Variants in UNC5C observed in about 807,000 individuals in gnomAD.
UNC5C encodes unc-5 netrin receptor C.
A neutral mutation model predicts 99.8 loss-of-function variants in UNC5C; 47 were observed. The observed-to-expected ratio is 0.47, with a 90% CI of 0.37 to 0.60. The LOEUF is 0.60. Among genes scored for constraint, UNC5C ranks in the 20% least tolerant of loss-of-function variants. The pLI is 0.00. For synonymous variants in UNC5C, 487 were observed against 452.2 expected (o/e 1.08, Z -0.98); for missense variants, 1,062 against 1,165.9 (o/e 0.91, Z 1.30).
intron 5 of UNC5C, chr4:95,248,591 T>A (rs1453973680): frequency 2.2e-6 from 1 of 453,778 alleles, no homozygotes; most frequent in Admixed American, 2.4e-5. Context: ...AGCAGAGTGA[T>A]CTTGAGCCCG....
At chr4:95,206,902 C>CTTTTTT in intron 10 of UNC5C, 106 bp from the exon 11 acceptor site, 1 of 510,494 alleles carries the variant, frequency 2.0e-6, no homozygotes, top group Non-Finnish European at 3.0e-6. Flanking sequence ...TCCTGGAATT[C>CTTTTTT]TTTTTTTTTT....
rs1159157893 is a variant in UNC5C at position 95,165,488 on chromosome 4, T to TA, written c.*3745dup. The TA allele has an allele frequency of 1.3e-5, 2 of 152,180 alleles. No individual in the cohort carries two copies. Among genetic ancestry groups the TA allele is most frequent in the African/African-American group, 4.8e-5 (2 of 41,438 alleles). The allele number at this position is 152,180 out of a possible 1,614,324, so 9.4% of individuals were successfully genotyped here. A position where few individuals can be genotyped will look rare whatever the true frequency, so the allele number is the denominator to read the frequency against. On this transcript the variant is annotated 3_prime_UTR_variant, in exon 16 of 16. Coordinates refer to ENST00000453304, the MANE Select transcript of UNC5C (RefSeq NM_003728.4). ...CTGTTAGCTGTGAGAACCTTGGTGT[T>TA]ACACAGGTTTGTCATCACCATGCCA...
chr4:95,452,343 C>G (rs1255836969), intron 1 of UNC5C, among the ~76,000 whole-genome samples: 1 of 152,016 alleles, frequency 6.6e-6, no homozygotes, highest in Middle Eastern at 3.2e-3. Context: ...ATATTAAGAG[C>G]CAATTTTCAG....
chr4:95,172,001 A>AT (rs1327571943), intron 14 of UNC5C, among the ~76,000 whole-genome samples: 3 of 148,682 alleles, frequency 2.0e-5, no homozygotes, highest in Admixed American at 6.7e-5. Context: ...GATGGTGAGC[A>AT]TTTTTTCATG....
chr4:95,284,038 A>G (rs1349882051), intron 3 of UNC5C, among the ~76,000 whole-genome samples: 1 of 152,214 alleles, frequency 6.6e-6, no homozygotes. Flanking sequence ...TTCCATTTAT[A>G]CATAACCAAA....
At chr4:95,191,999 C>T (rs1158814954) in intron 12 of UNC5C, among the ~76,000 whole-genome samples, 1 of 126,392 alleles carries the variant, frequency 7.9e-6, no homozygotes, top group Non-Finnish European at 1.7e-5. Context: ...TGCTAATCCT[C>T]CTCTCCTGCT....
chr4:95,475,957 A>G (rs1049823142), intron 1 of UNC5C, among the ~76,000 whole-genome samples: 1 of 152,132 alleles, frequency 6.6e-6, no homozygotes, highest in Non-Finnish European at 1.5e-5. Context: ...GCTTACCTGC[A>G]TTATTATAAA....
At chr4:95,354,496 A>G (rs1579352047) in intron 1 of UNC5C, among the ~76,000 whole-genome samples, 2 of 40,232 alleles carry the variant, frequency 5.0e-5, no homozygotes, top group East Asian at 5.3e-4. Context: ...TTTTTTTTTT[A>G]AGAGACAGGG....
At chr4:95,302,042 C>T (rs1365344328) in intron 2 of UNC5C, among the ~76,000 whole-genome samples, 1 of 152,218 alleles carries the variant, frequency 6.6e-6, no homozygotes, top group Non-Finnish European at 1.5e-5. Context: ...TATTTTTTAA[C>T]CTTCCTCTCT....
intron 1 of UNC5C, among the ~76,000 whole-genome samples, chr4:95,489,310 G>A (rs756735429): frequency 7.0e-4 from 106 of 151,644 alleles, no homozygotes; most frequent in Non-Finnish European, 1.1e-3. Context: ...AAGCACATGG[G>A]GATTTTTAAG....
intron 7 of UNC5C, among the ~76,000 whole-genome samples, chr4:95,235,952 G>A (rs1739094551): frequency 6.6e-6 from 1 of 152,194 alleles, no homozygotes; most frequent in African/African-American, 2.4e-5. Flanking sequence ...TGGAGAGGAT[G>A]TGGAGAAATA....
At chr4:95,503,341 C>A (rs1219109520) in intron 1 of UNC5C, among the ~76,000 whole-genome samples, 1 of 152,058 alleles carries the variant, frequency 6.6e-6, no homozygotes, top group East Asian at 1.9e-4. Flanking sequence ...GAACTGTGAA[C>A]TTTTTTTCTT....
chr4:95,185,201 A>G lies in UNC5C; in HGVS notation c.2137-5T>C. The G allele has an allele frequency of 6.2e-7, 1 of 1,604,914 alleles. No homozygotes were observed. The highest frequency in any genetic ancestry group is 8.5e-7 in the Non-Finnish European group (1 of 1,177,040). On this transcript the variant is annotated splice_polypyrimidine_tract_variant and splice_region_variant and intron_variant, in intron 12 of 15. Coordinates refer to ENST00000453304, the MANE Select transcript of UNC5C (RefSeq NM_003728.4). ...TCTCTCAAGATGTAAAATTTCCTAT[A>G]ATGACATGCCCCAAACCCAAAGCAC...
chr4:95,424,711 G>A (rs1212911812), intron 1 of UNC5C, among the ~76,000 whole-genome samples: 1 of 151,362 alleles, frequency 6.6e-6, no homozygotes, highest in Admixed American at 6.6e-5. Flanking sequence ...TTTTAGTAGA[G>A]ACCAGGTTTC....
At chr4:95,397,430 G>A (rs1399904386) in intron 1 of UNC5C, among the ~76,000 whole-genome samples, 1 of 152,094 alleles carries the variant, frequency 6.6e-6, no homozygotes, top group East Asian at 1.9e-4. Flanking sequence ...AGAAAAGTTA[G>A]TAAGAAAACA....
intron 1 of UNC5C, among the ~76,000 whole-genome samples, chr4:95,539,972 C>T (rs1003032771): frequency 2.0e-5 from 3 of 150,978 alleles, no homozygotes; most frequent in Admixed American, 2.0e-4. Context: ...TAATATTTTT[C>T]ACTGTGGTCA....
intron 10 of UNC5C, 106 bp from the exon 11 acceptor site, chr4:95,206,902 C>CTTT (rs35063112): frequency 3.9e-3 from 1,976 of 509,328 alleles, no homozygotes; most frequent in Middle Eastern, 6.0e-3. Context: ...TCCTGGAATT[C>CTTT]TTTTTTTTTT....
intron 3 of UNC5C, among the ~76,000 whole-genome samples, chr4:95,293,435 C>T (rs1741559675): frequency 6.7e-6 from 1 of 149,746 alleles, no homozygotes; most frequent in African/African-American, 2.5e-5. Flanking sequence ...TCTGGGCTGA[C>T]AGTAGTATCC....
intron 1 of UNC5C, among the ~76,000 whole-genome samples, chr4:95,417,614 A>G (rs989972306): frequency 1.3e-5 from 2 of 152,130 alleles, no homozygotes; most frequent in African/African-American, 4.8e-5. Context: ...TTGACATAAC[A>G]TTTCATAGTT....
Sources: gnomAD v4.1 joint callset for allele counts (sites outside exome capture counted in the v4.1 genomes callset) on GRCh38, gnomAD v4.1.1 for gene constraint, MANE v1.5 for transcripts, NCBI Gene and HGNC (gene_info 2026-07-23, HGNC 2026-07-21) for gene names.